ANXA10: variants seen among roughly 807,000 people sequenced by gnomAD.
ANXA10 encodes annexin A10, also known as annexin 14.
Under a neutral mutation model 53.5 loss-of-function variants are expected in ANXA10, and 49 were observed. The observed-to-expected ratio is 0.92, with a 90% CI of 0.73 to 1.16. ANXA10 has a LOEUF of 1.16. Ranked by LOEUF, ANXA10 falls within the 50% of genes most tolerant of loss-of-function variation. The probability of loss-of-function intolerance (pLI) is 0.00; values close to 1 mark genes in which losing one functional copy is unlikely to be tolerated. For synonymous variants in ANXA10, 131 were observed against 128.9 expected, an observed-to-expected ratio of 1.02 and a Z score of -0.11; for missense variants, 393 against 394.4, an observed-to-expected ratio of 1.00 and a Z score of 0.03.
chr4:168,146,875 C>T (rs576495668), intron 3 of ANXA10, among the ~76,000 whole-genome samples: 1 of 152,342 alleles, frequency 6.6e-6, no homozygotes, highest in Non-Finnish European at 1.5e-5. Flanking sequence ...GAACACTGTT[C>T]AGAGCTATAA....
At position 168,165,824 on chromosome 4, in the gene ANXA10, G is replaced by A. The variant is rs138411346; in HGVS notation, c.480+498G>A. 7.7e-3 allele frequency among the ~76,000 whole-genome samples: 1,172 copies of A among 152,072 alleles called. 11 individuals carry two copies. Among genetic ancestry groups the A allele is most frequent in the African/African-American group, 0.027 (1,114 of 41,490 alleles). On this transcript the variant is annotated intron_variant, in intron 6 of 11. Coordinates refer to ENST00000359299, the MANE Select transcript of ANXA10 (RefSeq NM_007193.5). ...CCCATGTAGCTGGGACTCAAGGCAC[G>A]TGCCACCACATCCAGCTAATTTTTG...
chr4:168,147,538 A>G (rs907932305), intron 3 of ANXA10, among the ~76,000 whole-genome samples: 1 of 152,218 alleles, frequency 6.6e-6, no homozygotes. Context: ...TCCTGTGGAA[A>G]GCATCCCCTC....
chr4:168,178,067 T>C, intron 8 of ANXA10, 84 bp downstream of exon 8: 1 of 1,293,928 alleles, frequency 7.7e-7, no homozygotes, highest in Non-Finnish European at 1.1e-6. Flanking sequence ...AAAAATGAAA[T>C]ATTACAAGGA....
In ANXA10 at chr4:168,162,482, C is replaced by A. The variant is rs373516528; in HGVS notation, c.196-46C>A. 41 of 1,379,118 alleles carry A rather than the reference C, an allele frequency of 3.0e-5. No homozygotes were observed. The African/African-American group carries it at 4.6e-4, about 15-fold the overall frequency. 85.4% of individuals were successfully genotyped at this position (1,379,118 alleles called of 1,614,324 possible). On this transcript the variant is annotated intron_variant, in intron 3 of 11. Transcript: ENST00000359299. The stretch of plus-strand genomic sequence containing the variant: ...TTCTGCAATTATCTCATTTCTCTTG[C>A]AAATTTGGTAACATATAATAAATAT...
chr4:168,180,649 G>T (rs1246327164), intron 9 of ANXA10, among the ~76,000 whole-genome samples: 5 of 152,100 alleles, frequency 3.3e-5, no homozygotes. Flanking sequence ...TGAAGATTTC[G>T]TGTATTAAAA....
intron 6 of ANXA10, among the ~76,000 whole-genome samples, chr4:168,175,974 T>C (rs1351264407): frequency 1.3e-5 from 2 of 151,680 alleles, no homozygotes; most frequent in African/African-American, 4.9e-5. Flanking sequence ...TGTGTGATAC[T>C]TTGAATAGTG....
intron 2 of ANXA10, 88 bp downstream of exon 2, chr4:168,128,253 G>C: frequency 1.2e-6 from 1 of 823,240 alleles, no homozygotes; most frequent in Non-Finnish European, 1.8e-6. Flanking sequence ...TAAAATAGTT[G>C]ATGTCTTACA....
intron 1 of ANXA10, chr4:168,113,291 C>A (rs1730840790): frequency 1.3e-5 from 2 of 151,876 alleles, no homozygotes. Context: ...AGAGCCCAGT[C>A]TCTGCTTTCA....
intron 3 of ANXA10, among the ~76,000 whole-genome samples, chr4:168,146,885 A>G (rs747613681): frequency 5.9e-5 from 9 of 152,354 alleles, no homozygotes; most frequent in African/African-American, 9.6e-5. Flanking sequence ...CAGAGCTATA[A>G]TAGCCTTGAT....
chr4:168,098,338 TTAGGTGGAGAGGA>T (rs1730585159), intron 1 of ANXA10, among the ~76,000 whole-genome samples: 1 of 152,056 alleles, frequency 6.6e-6, no homozygotes, highest in Non-Finnish European at 1.5e-5. Flanking sequence ...ATTCCTGCAA[TTAGGTGGAGAGGA>T]AAAGCAGAAA....
intron 2 of ANXA10, among the ~76,000 whole-genome samples, chr4:168,138,760 T>G (rs56984996): frequency 0.33 from 49,533 of 152,074 alleles, 8,198 homozygotes; most frequent in Admixed American, 0.4. Flanking sequence ...GTGCTATCTA[T>G]GATTTCTTTC....
chr4:168,156,201 A>ATATAATG (rs1731666697), intron 3 of ANXA10, among the ~76,000 whole-genome samples: 1 of 26,064 alleles, frequency 3.8e-5, no homozygotes, highest in East Asian at 1.1e-3. Context: ...TATATATAAT[A>ATATAATG]TATATTATAT....
At chr4:168,129,571 C>G (rs571453586) in intron 2 of ANXA10, among the ~76,000 whole-genome samples, 1 of 152,240 alleles carries the variant, frequency 6.6e-6, no homozygotes, top group African/African-American at 2.4e-5. Context: ...TCCACTGTAG[C>G]ATGCCAGAGC....
intron 1 of ANXA10, among the ~76,000 whole-genome samples, chr4:168,114,441 G>A (rs1730858380): frequency 6.6e-6 from 1 of 152,112 alleles, no homozygotes; most frequent in Admixed American, 6.5e-5. Flanking sequence ...GAAACTCTAT[G>A]TTTTCATGTC....
chr4:168,131,900 A>G (rs1731161434), intron 2 of ANXA10, among the ~76,000 whole-genome samples: 1 of 152,002 alleles, frequency 6.6e-6, no homozygotes, highest in Admixed American at 6.6e-5. Flanking sequence ...TTTCTTGTAG[A>G]CCACTTAGTG....
At chr4:168,113,906 T>C (rs1458473736) in intron 1 of ANXA10, among the ~76,000 whole-genome samples, 1 of 152,218 alleles carries the variant, frequency 6.6e-6, no homozygotes, top group Non-Finnish European at 1.5e-5. Flanking sequence ...CTTGGAAAAG[T>C]TATGTAGGTG....
chr4:168,119,968 T>C (rs1730958429), intron 1 of ANXA10, among the ~76,000 whole-genome samples: 1 of 152,130 alleles, frequency 6.6e-6, no homozygotes, highest in Admixed American at 6.5e-5. Context: ...TCCTTACCTT[T>C]GCTGTGTCTC....
At position 168,122,609 on chromosome 4, in the gene ANXA10, T is replaced by A. The variant is rs532235455; in HGVS notation, c.19-5475T>A. On this transcript the variant is annotated intron_variant, in intron 1 of 11. Transcript: ENST00000359299. ...AGGCTGTACAAGCATGGTGCTGGCA[T>A]CTCTTGGCTTTTGGGGAAGCCTCAG... Among the ~76,000 whole-genome samples, 24 of 152,304 alleles carry A rather than the reference T, an allele frequency of 1.6e-4. No homozygotes were observed. In the East Asian group the frequency reaches 4.4e-3, roughly 28 times the overall value.
intron 2 of ANXA10, among the ~76,000 whole-genome samples, chr4:168,132,135 T>TAA (rs1706293300): frequency 6.6e-6 from 1 of 152,058 alleles, no homozygotes; most frequent in South Asian, 2.1e-4. Flanking sequence ...GGTATATACC[T>TAA]AAAAGAAAGG....
Sources: gnomAD v4.1 joint callset for allele counts (sites outside exome capture counted in the v4.1 genomes callset) on GRCh38, gnomAD v4.1.1 for gene constraint, MANE v1.5 for transcripts, NCBI Gene and HGNC (gene_info 2026-07-23, HGNC 2026-07-21) for gene names.